The following TNNI3K variants were observed in gnomAD, a reference collection of about 807,000 sequenced individuals.
TNNI3K encodes the protein serine/threonine-protein kinase TNNI3K.
TNNI3K carries 140 observed loss-of-function variants against 114.5 expected under a neutral mutation model. That is an observed-to-expected ratio of 1.22 (90% CI 1.07 to 1.41). The LOEUF (loss-of-function observed/expected upper bound fraction) is 1.41. Among genes scored for constraint, TNNI3K ranks in the 40% most tolerant of loss-of-function variants. The probability of loss-of-function intolerance (pLI) is 0.00; values close to 1 mark genes in which losing one functional copy is unlikely to be tolerated. For synonymous variants in TNNI3K, 347 were observed against 347.5 expected (o/e 1.00, Z 0.02); for missense variants, 1,125 against 1,007.6 (o/e 1.12, Z -1.58).
At chr1:74,348,657 A>G (rs1661156586) in intron 9 of TNNI3K, among the ~76,000 whole-genome samples, 1 of 152,046 alleles carries the variant, frequency 6.6e-6, no homozygotes, top group African/African-American at 2.4e-5. Context: ...ATTTCTTTGT[A>G]TCCTCTTTTA....
At chr1:74,419,681 T>G (rs1665301288) in intron 17 of TNNI3K, among the ~76,000 whole-genome samples, 1 of 152,142 alleles carries the variant, frequency 6.6e-6, no homozygotes, top group South Asian at 2.1e-4. Flanking sequence ...AGCATATATA[T>G]GAAATTATAT....
chr1:74,358,515 T>C (rs766631026), intron 11 of TNNI3K, among the ~76,000 whole-genome samples: 1 of 151,988 alleles, frequency 6.6e-6, no homozygotes, highest in African/African-American at 2.4e-5. Flanking sequence ...AACTGAGAAA[T>C]GAGGGTGGGA....
chr1:74,239,323 T>G (rs1181255114), intron 2 of TNNI3K, among the ~76,000 whole-genome samples: 1 of 152,146 alleles, frequency 6.6e-6, no homozygotes, highest in Non-Finnish European at 1.5e-5. Context: ...GTGCTGAGAA[T>G]GTAAATTGTC....
chr1:74,543,568 C>A (rs1001518423), intron 24 of TNNI3K, among the ~76,000 whole-genome samples: 1 of 152,174 alleles, frequency 6.6e-6, no homozygotes, highest in Non-Finnish European at 1.5e-5. Flanking sequence ...GTAGTGGAAT[C>A]CGTGCTTAAA....
At chr1:74,279,510 T>C (rs1373115343) in intron 5 of TNNI3K, among the ~76,000 whole-genome samples, 3 of 152,206 alleles carry the variant, frequency 2.0e-5, no homozygotes, top group African/African-American at 7.2e-5. Flanking sequence ...TTCATATGCA[T>C]ATTCAAATTT....
chr1:74,455,281 ATAGGTAAAC>A (rs1667183618), intron 20 of TNNI3K, among the ~76,000 whole-genome samples: 1 of 152,192 alleles, frequency 6.6e-6, no homozygotes, highest in African/African-American at 2.4e-5. Context: ...TACTAGTTAA[ATAGGTAAAC>A]TATGAAGAAG....
chr1:74,310,568 T>C (rs1467531320), intron 5 of TNNI3K, among the ~76,000 whole-genome samples: 3 of 152,130 alleles, frequency 2.0e-5, no homozygotes, highest in African/African-American at 7.2e-5. Context: ...CTCCAAACTA[T>C]ACTACAAGCC....
intron 17 of TNNI3K, among the ~76,000 whole-genome samples, chr1:74,433,590 T>G (rs1037399531): frequency 1.3e-5 from 2 of 152,156 alleles, no homozygotes; most frequent in Non-Finnish European, 2.9e-5. Context: ...AAAGTCACTT[T>G]CACAGCATCC....
chr1:74,440,723 A>G (rs1228441523), intron 20 of TNNI3K, among the ~76,000 whole-genome samples: 1 of 152,134 alleles, frequency 6.6e-6, no homozygotes, highest in East Asian at 1.9e-4. Flanking sequence ...ATAGTTTTAA[A>G]TTAGACTTAG....
At chr1:74,324,610 G>A (rs1659801430) in intron 5 of TNNI3K, among the ~76,000 whole-genome samples, 1 of 152,130 alleles carries the variant, frequency 6.6e-6, no homozygotes, top group Non-Finnish European at 1.5e-5. Context: ...ATCTCAGAAA[G>A]AAGAGGGCAG....
Position 74,492,267 on chromosome 1 carries a change from G to C in TNNI3K, c.2351+1G>C, listed in dbSNP as rs781492801. The C allele has an allele frequency of 7.2e-6, 11 of 1,533,372 alleles. No individual in the cohort carries two copies. Among genetic ancestry groups the C allele is most frequent in the Non-Finnish European group, 9.7e-6 (11 of 1,128,242 alleles). The allele number at this position is 1,533,372 out of a possible 1,614,324, so 95.0% of individuals were successfully genotyped here. A position where few individuals can be genotyped will look rare whatever the true frequency, so the allele number is the denominator to read the frequency against. ...GGTCCTATGCTGCTTTGTCCCAAAG[G>C]TGAGTGGTAATATAAGCAAATCTCA... On this transcript the variant is annotated splice_donor_variant, in intron 23 of 24. Transcript: ENST00000326637. LOFTEE classifies it high-confidence loss of function.
chr1:74,297,380 A>G (rs1230608367), intron 5 of TNNI3K, among the ~76,000 whole-genome samples: 1 of 152,114 alleles, frequency 6.6e-6, no homozygotes, highest in African/African-American at 2.4e-5. Flanking sequence ...CCGTAAGATC[A>G]TAGTAGTGGA....
At chr1:74,239,786 A>G (rs1435444210) in intron 2 of TNNI3K, among the ~76,000 whole-genome samples, 2 of 152,220 alleles carry the variant, frequency 1.3e-5, no homozygotes, top group Admixed American at 1.3e-4. Context: ...AAACAGCAAT[A>G]TAGTGCTAAA....
In TNNI3K at chr1:74,427,213, T is replaced by G. The variant is rs576432249; in HGVS notation, c.1773-8867T>G. Among the ~76,000 whole-genome samples, 3 of 152,154 alleles carry G rather than the reference T, an allele frequency of 2.0e-5. No individual in the cohort carries two copies. The South Asian group carries it at 6.2e-4, about 32-fold the overall frequency. On this transcript the variant is annotated intron_variant, in intron 17 of 24. Coordinates refer to ENST00000326637, the MANE Select transcript of TNNI3K (RefSeq NM_015978.3). ...TACAGAGTAGGGATTGCATAGAGAC[T>G]TTATAATTTTTAGTATATTCAAAAC...
intron 21 of TNNI3K, chr1:74,472,249 AC>A (rs1667972873): frequency 2.8e-6 from 2 of 710,800 alleles, no homozygotes; most frequent in Non-Finnish European, 5.2e-6. Context: ...GAGTTTTATT[AC>A]CCCAACCAAA....
intron 23 of TNNI3K, among the ~76,000 whole-genome samples, chr1:74,512,920 C>G (rs1361951940): frequency 6.6e-6 from 1 of 152,214 alleles, no homozygotes; most frequent in African/African-American, 2.4e-5. Flanking sequence ...CTAAAGCTGG[C>G]CTTTTCTGTC....
chr1:74,295,387 A>T (rs1657920474), intron 5 of TNNI3K, among the ~76,000 whole-genome samples: 1 of 152,124 alleles, frequency 6.6e-6, no homozygotes, highest in Non-Finnish European at 1.5e-5. Context: ...TCACATTTTA[A>T]AAATTGTCTG....
intron 23 of TNNI3K, among the ~76,000 whole-genome samples, chr1:74,493,559 A>G (rs1420963659): frequency 6.6e-6 from 1 of 152,230 alleles, no homozygotes; most frequent in East Asian, 1.9e-4. Context: ...ATATAATGCT[A>G]TAATAATTCC....
intron 20 of TNNI3K, among the ~76,000 whole-genome samples, chr1:74,440,174 T>C (rs1666314204): frequency 6.6e-6 from 1 of 152,038 alleles, no homozygotes; most frequent in South Asian, 2.1e-4. Context: ...ACATTATGCT[T>C]TGCTCATGTG....
Sources: allele counts gnomAD v4.1 joint callset (sites outside exome capture counted in the v4.1 genomes callset), GRCh38; gene constraint gnomAD v4.1.1; transcripts MANE v1.5; gene names NCBI Gene and HGNC (gene_info 2026-07-23, HGNC 2026-07-21).